LBHD1: variants seen among roughly 807,000 people sequenced by gnomAD.
LBHD1 encodes the protein LBH domain-containing protein 1.
In LBHD1, 28 loss-of-function variants were observed where a neutral mutation model predicts 31.1. That is an observed-to-expected ratio of 0.90 (90% CI 0.67 to 1.24). LBHD1 has a LOEUF of 1.24. Among genes scored for constraint, LBHD1 ranks in the 50% most tolerant of loss-of-function variants. The pLI, the probability that LBHD1 is intolerant of heterozygous loss-of-function variation, is 0.00. For missense variants in LBHD1, 350 were observed against 323.0 expected, an observed-to-expected ratio of 1.08 and a Z score of -0.64; for synonymous variants, 105 against 116.5, an observed-to-expected ratio of 0.90 and a Z score of 0.63.
chr11:62,669,908 T>C lies in LBHD1; in HGVS notation c.124A>G (p.Lys42Glu). 1 of 1,614,194 alleles carries C rather than the reference T, an allele frequency of 6.2e-7. No homozygotes were observed. Residue 42 changes from lysine to glutamate, a missense_variant, in exon 2 of 7, where the codon AAG (lysine) becomes GAG (glutamate). Coordinates refer to ENST00000354588, the MANE Select transcript of LBHD1 (RefSeq NM_024099.5). ...TGAATGTGCTGGTGACCTTCAACCT[T>C]GCCAATTTTTCCTCTGTCCCAGAGA... The part of the protein sequence containing the change: ...NPLWDRGKIG[K>E]VEGHQHIQDF...
chr11:62,665,148 TC>T, intron 4 of LBHD1, 175 bp from the exon 5 acceptor site: 2 of 978,478 alleles, frequency 2.0e-6, no homozygotes, highest in East Asian at 5.2e-5. Flanking sequence ...GGCCGGTTGA[TC>T]TTTCCCCCCG....
Position 62,667,680 on chromosome 11 carries a change from C to T in LBHD1, c.381G>A (p.Gly127=). ...AAGCATCTTCTTCATCCTGGTCCTG[C>T]CCCCAGCTGAGTCCAGCGTTAAATG... ...LRTFNAGLSW[G]QDQDEEDACW... The change falls in exon 4 of 7, where the codon GGG becomes GGA. Residue 127 remains glycine, a synonymous_variant. Coordinates refer to ENST00000354588, the MANE Select transcript of LBHD1 (RefSeq NM_024099.5). 6.2e-7 allele frequency: 1 copy of T among 1,614,116 alleles called. No individual in the cohort carries two copies. Among genetic ancestry groups the T allele is most frequent in the Non-Finnish European group, 8.5e-7 (1 of 1,179,998 alleles).
Position 62,663,444 on chromosome 11 carries a change from C to T in LBHD1, c.664-111G>A, listed in dbSNP as rs1485796196. On this transcript the variant is annotated intron_variant, in intron 5 of 6. Transcript: ENST00000354588. ...TAAATAGGCTGGGCGCAGTGGCTCA[C>T]GCCTGTAATCCCAGCACTTTGGGAG... 20 of 1,114,508 alleles carry T rather than the reference C, an allele frequency of 1.8e-5. No individual in the cohort carries two copies. The Admixed American group carries it at 4.0e-4, about 23-fold the overall frequency. 69.0% of individuals were successfully genotyped at this position (1,114,508 alleles called of 1,614,324 possible).
At chr11:62,665,449 T>G in intron 4 of LBHD1, 1 of 1,559,286 alleles carries the variant, frequency 6.4e-7, no homozygotes, top group Non-Finnish European at 8.7e-7. Context: ...GGATCGGGCT[T>G]GTGGTGCCGC....
chr11:62,667,509 G>A lies in LBHD1; in HGVS notation c.538+14C>T, dbSNP rs927253593. 7.5e-6 allele frequency: 12 copies of A among 1,609,114 alleles called. No individual in the cohort carries two copies. The highest frequency in any genetic ancestry group is 1.0e-5 in the Non-Finnish European group (12 of 1,175,798). On this transcript the variant is annotated intron_variant, in intron 4 of 6. Transcript: ENST00000354588. The stretch of plus-strand genomic sequence containing the variant: ...CCTGGATGAGATATTTGAGGGGGAG[G>A]GAACAATACTTACCCTCAAAGCTAT...
chr11:62,663,900 C>T (rs1944719696), intron 5 of LBHD1, among the ~76,000 whole-genome samples: 1 of 150,288 alleles, frequency 6.7e-6, no homozygotes, highest in Admixed American at 6.7e-5. Context: ...TGGTGAAACC[C>T]CGTCTCTACT....
At chr11:62,666,560 C>G (rs761289453) in intron 4 of LBHD1, 2 of 1,614,032 alleles carry the variant, frequency 1.2e-6, no homozygotes, top group East Asian at 4.5e-5. Context: ...CAGTCCTCTG[C>G]GAGTGCTGGA....
chr11:62,666,039 A>C, intron 4 of LBHD1: 3 of 1,384,062 alleles, frequency 2.2e-6, no homozygotes, highest in Non-Finnish European at 3.0e-6. Flanking sequence ...GTAGTCCCTG[A>C]AATTGTGATT....
At position 62,672,107 on chromosome 11, in the gene LBHD1, C is replaced by T; in HGVS notation, c.-554G>A. On this transcript the variant is annotated 5_prime_UTR_variant, in exon 1 of 7. It removes the in-frame stop codon of an upstream open reading frame in the 5' UTR. Coordinates refer to ENST00000354588, the MANE Select transcript of LBHD1 (RefSeq NM_024099.5). Reference sequence around the variant, plus strand: ...GGCGAAGGCGGCGCCGGCGGGAGGTCACCGTGAGACCGGACTTGCCTCCGT... The same window carrying T: ...GGCGAAGGCGGCGCCGGCGGGAGGTTACCGTGAGACCGGACTTGCCTCCGT... 11 of 1,576,254 alleles carry T rather than the reference C, an allele frequency of 7.0e-6. No individual in the cohort carries two copies. Among genetic ancestry groups the T allele is most frequent in the Non-Finnish European group, 8.6e-6 (10 of 1,162,004 alleles).
intron 4 of LBHD1, chr11:62,666,931 C>T: frequency 1.2e-6 from 2 of 1,614,110 alleles, no homozygotes; most frequent in Non-Finnish European, 8.5e-7. Flanking sequence ...CAGATGAGGA[C>T]CCTGATGTGC....
Position 62,672,160 on chromosome 11 carries a change from G to GA in LBHD1, c.-608dup. The GA allele has an allele frequency of 6.5e-7, 1 of 1,529,938 alleles. No individual in the cohort carries two copies. The allele number at this position is 1,529,938 out of a possible 1,614,324, so 94.8% of individuals were successfully genotyped here. ...GCGCCGGACCTTGGCTTGGGCGCAG[G>GA]AATCCGAGGCAGCCTTTCTCCTTCG... On this transcript the variant is annotated 5_prime_UTR_variant, in exon 1 of 7. It removes the in-frame stop codon of an upstream open reading frame in the 5' UTR. Transcript: ENST00000354588.
chr11:62,663,200 C>T, intron 6 of LBHD1, 36 bp downstream of exon 6: 1 of 1,613,772 alleles, frequency 6.2e-7, no homozygotes, highest in South Asian at 1.1e-5. Flanking sequence ...CAAATAAATC[C>T]AGGATTCCCC....
chr11:62,667,189 GA>G, intron 4 of LBHD1: 1 of 872,246 alleles, frequency 1.1e-6, no homozygotes, highest in African/African-American at 1.7e-5. Flanking sequence ...CCATATTGCT[GA>G]ATGTTTCTGT....
chr11:62,670,104 G>T, intron 1 of LBHD1, 63 bp from the exon 2 acceptor site: 1 of 1,492,242 alleles, frequency 6.7e-7, no homozygotes, highest in Non-Finnish European at 9.0e-7. Flanking sequence ...CCCACAAACT[G>T]TTCCTTTAAT....
rs370358731 is a variant in LBHD1, at chr11:62,667,540, G to A, written c.521C>T (p.Pro174Leu). The part of the protein sequence containing the change: ...SGFVEYSHLL[P>L]PNSFEGAEEE... Reference sequence around the variant, plus strand: ...ATACTTACCCTCAAAGCTATTAGGAGGCAGGAGATGGGAATATTCCACAAA... The same window carrying A: ...ATACTTACCCTCAAAGCTATTAGGAAGCAGGAGATGGGAATATTCCACAAA... The change falls in exon 4 of 7, where the codon CCT becomes CTT. Residue 174 changes from proline to leucine, a missense_variant. Coordinates refer to ENST00000354588, the MANE Select transcript of LBHD1 (RefSeq NM_024099.5). 6.8e-6 allele frequency: 11 copies of A among 1,613,952 alleles called. No individual in the cohort carries two copies. The highest frequency in any genetic ancestry group is 9.3e-6 in the Non-Finnish European group (11 of 1,180,000).
At position 62,663,224 on chromosome 11, in the gene LBHD1, T is replaced by G; in HGVS notation, c.761+12A>C. On this transcript the variant is annotated intron_variant, in intron 6 of 6. Transcript: ENST00000354588. Reference sequence around the variant, plus strand: ...CCAGGATTCCCCTCACCCACCTCTGTCCCAGCCTCACCTTCCATGGCTGTC... The same window carrying G: ...CCAGGATTCCCCTCACCCACCTCTGGCCCAGCCTCACCTTCCATGGCTGTC... 6.2e-7 allele frequency: 1 copy of G among 1,613,854 alleles called. No homozygotes were observed. The highest frequency in any genetic ancestry group is 1.1e-5 in the South Asian group (1 of 91,088).
chr11:62,667,323 C>T, intron 4 of LBHD1, 200 bp downstream of exon 4: 1 of 652,520 alleles, frequency 1.5e-6, no homozygotes, highest in South Asian at 2.0e-5. Context: ...GGGTCATTCC[C>T]CAGTTTCAAC....
chr11:62,669,368 G>A (rs1944897811), intron 3 of LBHD1: 1 of 981,666 alleles, frequency 1.0e-6, no homozygotes, highest in Admixed American at 6.2e-5. Flanking sequence ...CTGCACTCCA[G>A]TCTGGGTGAC....
intron 4 of LBHD1, chr11:62,665,327 G>C: frequency 1.4e-6 from 1 of 738,324 alleles, no homozygotes; most frequent in South Asian, 1.6e-5. Context: ...GGAGGGTGGT[G>C]AGCTAGTAAG....
Sources: gnomAD v4.1 joint callset for allele counts (sites outside exome capture counted in the v4.1 genomes callset) on GRCh38, gnomAD v4.1.1 for gene constraint, MANE v1.5 for transcripts, NCBI Gene and HGNC (gene_info 2026-07-23, HGNC 2026-07-21) for gene names.